Variants in MICU1 observed in about 807,000 individuals in gnomAD.
The protein encoded by MICU1 is calcium uptake protein 1, mitochondrial.
In MICU1, 45 loss-of-function variants were observed where a neutral mutation model predicts 56.8. The ratio of observed to expected loss-of-function variants is 0.79; its 90% CI spans 0.62 to 1.02. MICU1 has a LOEUF of 1.02. MICU1 is among the 50% of genes least tolerant of loss of function. The probability of loss-of-function intolerance (pLI) is 0.00; values close to 1 mark genes in which losing one functional copy is unlikely to be tolerated. For synonymous variants in MICU1, 186 were observed against 195.1 expected (o/e 0.95, Z 0.39); for missense variants, 504 against 587.1 (o/e 0.86, Z 1.46).
chr10:72,482,303 T>C (rs1294097305), intron 6 of MICU1, among the ~76,000 whole-genome samples: 1 of 152,214 alleles, frequency 6.6e-6, no homozygotes, highest in African/African-American at 2.4e-5. Context: ...AAAAAATGAA[T>C]AGGTTAGATT....
At chr10:72,414,999 C>A (rs1023101804) in intron 9 of MICU1, among the ~76,000 whole-genome samples, 1 of 150,310 alleles carries the variant, frequency 6.7e-6, no homozygotes, top group African/African-American at 2.4e-5. Flanking sequence ...ATCCTCTGCT[C>A]AATCTCCTGC....
chr10:72,411,235 C>G (rs530936544), intron 9 of MICU1, among the ~76,000 whole-genome samples: 3 of 152,120 alleles, frequency 2.0e-5, no homozygotes, highest in African/African-American at 7.2e-5. Context: ...GTAAGGAGTT[C>G]CGGTTTGGGA....
chr10:72,473,700 G>C (rs1014569585), intron 8 of MICU1, among the ~76,000 whole-genome samples: 2 of 152,132 alleles, frequency 1.3e-5, no homozygotes, highest in Non-Finnish European at 2.9e-5. Context: ...CGCACAGAAA[G>C]TGGCTCTAGG....
intron 8 of MICU1, among the ~76,000 whole-genome samples, chr10:72,447,184 T>C (rs1302298915): frequency 2.6e-5 from 4 of 152,188 alleles, no homozygotes; most frequent in African/African-American, 9.7e-5. Flanking sequence ...GGACAAACTA[T>C]AAGGCCTGAA....
intron 1 of MICU1, among the ~76,000 whole-genome samples, chr10:72,608,760 G>A (rs1841760459): frequency 6.6e-6 from 1 of 152,080 alleles, no homozygotes; most frequent in South Asian, 2.1e-4. Flanking sequence ...GTAACCTAAC[G>A]ATGTATAAAT....
At chr10:72,444,897 G>A (rs1865060349) in intron 8 of MICU1, among the ~76,000 whole-genome samples, 1 of 152,166 alleles carries the variant, frequency 6.6e-6, no homozygotes, top group Admixed American at 6.5e-5. Context: ...AGGAGCACAA[G>A]ACACATTTTC....
chr10:72,549,221 G>A (rs1839971510), intron 4 of MICU1, among the ~76,000 whole-genome samples: 1 of 141,462 alleles, frequency 7.1e-6, no homozygotes, highest in Non-Finnish European at 1.5e-5. Context: ...AACAGGGTCT[G>A]GCTCTATTGT....
chr10:72,596,379 A>C (rs1841382202), intron 1 of MICU1, among the ~76,000 whole-genome samples: 1 of 151,868 alleles, frequency 6.6e-6, no homozygotes, highest in Non-Finnish European at 1.5e-5. Flanking sequence ...TCAAGGCTAC[A>C]GGGACTCCTG....
At chr10:72,610,467 CA>C (rs1450522669) in intron 1 of MICU1, among the ~76,000 whole-genome samples, 1 of 151,962 alleles carries the variant, frequency 6.6e-6, no homozygotes, top group Admixed American at 6.6e-5. Context: ...TGCAAAGACA[CA>C]AGCAGAGTTA....
intron 6 of MICU1, among the ~76,000 whole-genome samples, chr10:72,506,516 AT>A (rs1318053564): frequency 6.6e-6 from 1 of 152,192 alleles, no homozygotes; most frequent in Non-Finnish European, 1.5e-5. Flanking sequence ...ATTCCCACCA[AT>A]TTGGGTCATT....
rs1245936809 is a variant in MICU1, at chr10:72,569,235, A to ATTTTTTTTT, written c.-1-2442_-1-2441insAAAAAAAAA. Among the ~76,000 whole-genome samples the ATTTTTTTTT allele has an allele frequency of 8.9e-3, 377 of 42,550 alleles. 16 individuals carry two copies. Among genetic ancestry groups the ATTTTTTTTT allele is most frequent in the Non-Finnish European group, 0.014 (311 of 22,992 alleles). 27.9% of individuals were successfully genotyped at this position (42,550 alleles called of 152,430 possible). ...TATATATATATATATATATATATAT[A>ATTTTTTTTT]TATTTTTTTTTTTTTTTGAGATGGC... On this transcript the variant is annotated intron_variant, in intron 1 of 11. Transcript: ENST00000361114.
At chr10:72,595,332 G>A (rs1424161546) in intron 1 of MICU1, among the ~76,000 whole-genome samples, 1 of 151,290 alleles carries the variant, frequency 6.6e-6, no homozygotes, top group Non-Finnish European at 1.5e-5. Flanking sequence ...CATGCCCGAA[G>A]TCCCAGCTAC....
chr10:72,402,281 C>T (rs372061723), intron 10 of MICU1, among the ~76,000 whole-genome samples: 1 of 152,168 alleles, frequency 6.6e-6, no homozygotes, highest in East Asian at 1.9e-4. Context: ...TCCCCGATTC[C>T]ATGGCCAGGC....
intron 6 of MICU1, among the ~76,000 whole-genome samples, chr10:72,490,469 T>C (rs908634577): frequency 2.0e-5 from 3 of 152,202 alleles, no homozygotes; most frequent in Non-Finnish European, 4.4e-5. Context: ...ATTAGCTCAA[T>C]GGAAGAAGAG....
chr10:72,412,964 A>C (rs1863870903), intron 9 of MICU1, among the ~76,000 whole-genome samples: 1 of 152,122 alleles, frequency 6.6e-6, no homozygotes, highest in Non-Finnish European at 1.5e-5. Flanking sequence ...TGGGAGGCAA[A>C]GGCGGGCAGA....
chr10:72,542,891 C>T (rs7899516), intron 4 of MICU1, among the ~76,000 whole-genome samples: 2 of 152,088 alleles, frequency 1.3e-5, no homozygotes, highest in East Asian at 1.9e-4. Flanking sequence ...AGCAGGAAGG[C>T]GAGCTGGAAA....
intron 1 of MICU1, among the ~76,000 whole-genome samples, chr10:72,569,618 T>C (rs769456054): frequency 5.9e-5 from 9 of 152,102 alleles, no homozygotes; most frequent in Non-Finnish European, 8.8e-5. Flanking sequence ...GAGACTGGGT[T>C]AGTCAGCAAA....
chr10:72,453,277 T>C (rs942256157), intron 8 of MICU1, among the ~76,000 whole-genome samples: 2 of 152,178 alleles, frequency 1.3e-5, no homozygotes, highest in African/African-American at 2.4e-5. Context: ...TGTCGGATGA[T>C]AGATATATAT....
At chr10:72,389,057 AT>A (rs1862984044) in intron 10 of MICU1, among the ~76,000 whole-genome samples, 1 of 152,246 alleles carries the variant, frequency 6.6e-6, no homozygotes, top group Admixed American at 6.5e-5. Flanking sequence ...AGAAACTACT[AT>A]GAAATGAGAG....
Sources: allele counts gnomAD v4.1 joint callset (sites outside exome capture counted in the v4.1 genomes callset), GRCh38; gene constraint gnomAD v4.1.1; transcripts MANE v1.5; gene names NCBI Gene and HGNC (gene_info 2026-07-23, HGNC 2026-07-21).